The following NOS2 variants were observed in gnomAD, a reference collection of about 807,000 sequenced individuals.
The protein encoded by NOS2 is nitric oxide synthase 2.
NOS2 carries 96 observed loss-of-function variants against 136.0 expected under a neutral mutation model. That is an observed-to-expected ratio of 0.71 (90% CI 0.60 to 0.84). The LOEUF is 0.84. Ranked by LOEUF, NOS2 falls within the 40% of genes least tolerant of loss-of-function variation. The probability of loss-of-function intolerance (pLI) is 0.00; values close to 1 mark genes in which losing one functional copy is unlikely to be tolerated. For synonymous variants in NOS2, 539 were observed against 587.5 expected, an observed-to-expected ratio of 0.92 and a Z score of 1.20; for missense variants, 1,237 against 1,496.9, an observed-to-expected ratio of 0.83 and a Z score of 2.87.
Position 27,767,831 on chromosome 17 carries a change from A to G in NOS2, c.2041T>C (p.Cys681Arg). Residue 681 changes from cysteine (C) to arginine (R), a missense_variant, in exon 18 of 27, where the codon TGT (cysteine) becomes CGT (arginine). Cys to Arg is a radical substitution (Grantham distance 180). Transcript: ENST00000313735. ...TTGCCTCGGACATCAAACGTCTCAC[A>G]GGCTGCCTGGAAGAAGGTGGAGCAG... is the stretch of plus-strand genomic sequence containing the variant. Reference protein sequence around the residue: ...SWAVQTFKAACETFDVRGKQH... With the variant: ...SWAVQTFKAARETFDVRGKQH... 6.2e-7 allele frequency: 1 copy of G among 1,611,558 alleles called. No individual in the cohort carries two copies. Among genetic ancestry groups the G allele is most frequent in the East Asian group, 2.2e-5 (1 of 44,868 alleles).
At chr17:27,768,440 C>T (rs1365521012) in intron 17 of NOS2, among the ~76,000 whole-genome samples, 2 of 152,182 alleles carry the variant, frequency 1.3e-5, no homozygotes, top group Non-Finnish European at 2.9e-5. Context: ...TGGTGTGGAG[C>T]CACATGGAGG....
chr17:27,758,599 G>C (rs1235961193), intron 26 of NOS2, among the ~76,000 whole-genome samples: 1 of 152,122 alleles, frequency 6.6e-6, no homozygotes, highest in Admixed American at 6.5e-5. Context: ...TTTCTGAAAG[G>C]GGGGTTTGGG....
At chr17:27,781,405 A>C (rs1908845615) in intron 7 of NOS2, among the ~76,000 whole-genome samples, 1 of 152,218 alleles carries the variant, frequency 6.6e-6, no homozygotes, top group African/African-American at 2.4e-5. Flanking sequence ...CTGATCTGCC[A>C]GTCTTTCCCT....
chr17:27,767,923 C>T, intron 17 of NOS2, 86 bp from the exon 18 acceptor site: 2 of 1,540,942 alleles, frequency 1.3e-6, no homozygotes, highest in Non-Finnish European at 1.8e-6. Flanking sequence ...AGGCCCTTAC[C>T]ATGGGCCAAA....
intron 2 of NOS2, among the ~76,000 whole-genome samples, chr17:27,797,820 G>C (rs1909402127): frequency 6.6e-6 from 1 of 152,208 alleles, no homozygotes; most frequent in South Asian, 2.1e-4. Flanking sequence ...GGCCCGGGGA[G>C]GAGGGACATG....
At chr17:27,796,132 G>C (rs1909346425) in intron 2 of NOS2, among the ~76,000 whole-genome samples, 1 of 152,130 alleles carries the variant, frequency 6.6e-6, no homozygotes. Context: ...CTTTAAAAGA[G>C]AGAGAGAAAG....
At chr17:27,794,983 C>A (rs1459576959) in intron 2 of NOS2, among the ~76,000 whole-genome samples, 1 of 152,140 alleles carries the variant, frequency 6.6e-6, no homozygotes, top group Non-Finnish European at 1.5e-5. Flanking sequence ...CACCTCCTCC[C>A]CCCAACTCCT....
At chr17:27,763,372 G>A (rs1266424619) in intron 21 of NOS2, among the ~76,000 whole-genome samples, 1 of 152,216 alleles carries the variant, frequency 6.6e-6, no homozygotes, top group Non-Finnish European at 1.5e-5. Context: ...GTGAAACAAG[G>A]ACAGTATTGC....
rs756194536 is a variant in NOS2 at position 27,760,647 on chromosome 17, G to A, written c.2986C>T (p.Arg996Trp). The A allele has an allele frequency of 7.1e-6, 11 of 1,553,716 alleles. No homozygotes were observed. Among genetic ancestry groups the A allele is most frequent in the South Asian group, 4.7e-5 (4 of 84,216 alleles). ...CCCTTGTGCTGGGAGTCATGGAGCCGTTGCTGCCAGAAACTGCGGAAGGGC... is the reference window on the plus strand; with the variant it reads ...CCCTTGTGCTGGGAGTCATGGAGCCATTGCTGCCAGAAACTGCGGAAGGGC... Reference protein sequence around the residue: ...IAPFRSFWQQRLHDSQHKGVR... With the variant: ...IAPFRSFWQQWLHDSQHKGVR... Residue 996 changes from arginine (R) to tryptophan (W), a missense_variant, in exon 24 of 27, where the codon CGG (arginine) becomes TGG (tryptophan). By Grantham distance (101) the Arg-to-Trp change is moderately radical (BLOSUM62 -3). This residue lies in a region of NOS2 where 782 missense variants were observed against 909.9 expected (regional missense o/e 0.86). Coordinates refer to ENST00000313735, the MANE Select transcript of NOS2 (RefSeq NM_000625.4).
At chr17:27,773,462 AG>A (rs879705253) in intron 12 of NOS2, among the ~76,000 whole-genome samples, 1 of 152,206 alleles carries the variant, frequency 6.6e-6, no homozygotes, top group African/African-American at 2.4e-5. Flanking sequence ...CTGCACATCG[AG>A]GGGGGGCGGC....
intron 4 of NOS2, 25 bp downstream of exon 4, chr17:27,788,784 G>A (rs201723327): frequency 6.2e-7 from 1 of 1,600,950 alleles, no homozygotes; most frequent in Non-Finnish European, 8.5e-7. Context: ...GACAAAGGTG[G>A]TTCTCCCTGA....
chr17:27,781,533 C>T (rs1429545118), intron 7 of NOS2, among the ~76,000 whole-genome samples: 1 of 152,162 alleles, frequency 6.6e-6, no homozygotes, highest in Non-Finnish European at 1.5e-5. Context: ...CCTCCTACCC[C>T]CCCATACCCC....
At position 27,782,805 on chromosome 17, in the gene NOS2, T is replaced by C. The variant is rs951026774; in HGVS notation, c.630+139A>G. ...GACCCTAGGTGCCCCATCTCAACATTTGGGAATGTAAGAGAGGATCCAGGG... is the reference window on the plus strand; with the variant it reads ...GACCCTAGGTGCCCCATCTCAACATCTGGGAATGTAAGAGAGGATCCAGGG... On this transcript the variant is annotated intron_variant, in intron 6 of 26. Coordinates refer to ENST00000313735, the MANE Select transcript of NOS2 (RefSeq NM_000625.4). 6 of 793,856 alleles carry C rather than the reference T, an allele frequency of 7.6e-6. No homozygotes were observed. The East Asian group carries it at 1.6e-4, about 21-fold the overall frequency. 49.2% of individuals were successfully genotyped at this position (793,856 alleles called of 1,614,324 possible).
At chr17:27,767,945 G>C (rs1175789885) in intron 17 of NOS2, 108 bp from the exon 18 acceptor site, 14 of 1,425,090 alleles carry the variant, frequency 9.8e-6, no homozygotes, top group African/African-American at 1.4e-5. Context: ...ACTGAGCCGT[G>C]TGTTTCGTGT....
At chr17:27,777,385 G>A (rs963724357) in intron 11 of NOS2, among the ~76,000 whole-genome samples, 1 of 152,216 alleles carries the variant, frequency 6.6e-6, no homozygotes, top group Non-Finnish European at 1.5e-5. Flanking sequence ...ACAGGGAAGG[G>A]AAGTGTTTCT....
intron 2 of NOS2, among the ~76,000 whole-genome samples, chr17:27,798,487 A>G (rs769545923): frequency 1.3e-4 from 19 of 151,026 alleles, no homozygotes; most frequent in Non-Finnish European, 2.4e-4. Flanking sequence ...GCCCCGCACC[A>G]TGTCCCTTCC....
Position 27,766,628 on chromosome 17 carries a change from C to A in NOS2, c.2168-40G>T, listed in dbSNP as rs760354566. 4 of 1,549,588 alleles carry A rather than the reference C, an allele frequency of 2.6e-6. No homozygotes were observed. In the African/African-American group the frequency reaches 4.1e-5, roughly 16 times the overall value. ...GAGACGGTGAAATGGCAAAGTGGTT[C>A]TTGAGCGTAGGTAGGGGAAGCCCCC... On this transcript the variant is annotated intron_variant, in intron 18 of 26. Coordinates refer to ENST00000313735, the MANE Select transcript of NOS2 (RefSeq NM_000625.4).
In NOS2 at chr17:27,757,026, G is replaced by C; in HGVS notation, c.*220C>G. Reference sequence around the variant, plus strand: ...TAAGATTTTGTCTCCAAGGGACCAGGGAGGCCCCAGTTTGAGAGAGGAGGC... The same window carrying C: ...TAAGATTTTGTCTCCAAGGGACCAGCGAGGCCCCAGTTTGAGAGAGGAGGC... On this transcript the variant is annotated 3_prime_UTR_variant, in exon 27 of 27. Transcript: ENST00000313735. 2.1e-6 allele frequency: 1 copy of C among 465,948 alleles called. No homozygotes were observed. The highest frequency in any genetic ancestry group is 3.7e-6 in the Non-Finnish European group (1 of 266,918). The allele number at this position is 465,948 out of a possible 1,614,324, so 28.9% of individuals were successfully genotyped here.
chr17:27,762,010 A>T (rs1908146190), intron 22 of NOS2, among the ~76,000 whole-genome samples: 1 of 152,176 alleles, frequency 6.6e-6, no homozygotes. Flanking sequence ...AGGGCTCGGA[A>T]GTGTGGGCAG....
Sources: gnomAD v4.1 joint callset for allele counts (sites outside exome capture counted in the v4.1 genomes callset) on GRCh38, gnomAD v4.1.1 for gene constraint, gnomAD v4.1.1 regional missense constraint, MANE v1.5 for transcripts, NCBI Gene and HGNC (gene_info 2026-07-23, HGNC 2026-07-21) for gene names.